Variants in DAW1 observed in about 807,000 individuals in gnomAD.
DAW1 encodes the protein dynein assembly factor with WD repeat domains 1.
DAW1 carries 47 observed loss-of-function variants against 56.5 expected under a neutral mutation model. The observed-to-expected ratio is 0.83, with a 90% CI of 0.66 to 1.06. The LOEUF (loss-of-function observed/expected upper bound fraction) is 1.06, where lower values mean the gene tolerates loss of function less well. Among genes scored for constraint, DAW1 ranks in the 50% least tolerant of loss-of-function variants. The probability of loss-of-function intolerance (pLI) is 0.00; values close to 1 mark genes in which losing one functional copy is unlikely to be tolerated. For missense variants in DAW1, 505 were observed against 499.3 expected (o/e 1.01, Z -0.11); for synonymous variants, 190 against 179.0 (o/e 1.06, Z -0.49).
At chr2:227,923,885 G>A (rs1464643048) in intron 12 of DAW1, 49 bp from the exon 13 acceptor site, 2 of 1,603,142 alleles carry the variant, frequency 1.2e-6, no homozygotes, top group Non-Finnish European at 1.7e-6. Context: ...GAGAGAATGA[G>A]GTGAATGAAA....
In DAW1 at chr2:227,889,918, G is replaced by C. The variant is rs549809115; in HGVS notation, c.176G>C (p.Arg59Pro). The C allele has an allele frequency of 6.2e-7, 1 of 1,610,714 alleles. No homozygotes were observed. Among genetic ancestry groups the C allele is most frequent in the African/African-American group, 1.3e-5 (1 of 74,794 alleles). The change falls in exon 3 of 13, where the codon CGA becomes CCA. Residue 59 changes from arginine (R) to proline (P), a missense_variant. Transcript: ENST00000309931. ...GCAGAACCTCTACTCACAGCTTCAC[G>C]AACAGAGCAAGTCAAACTTTTGATA... ...QKAEPLLTAS[R>P]TEQVKLLIQR...
chr2:227,911,312 GCATATATA>G (rs1408211881), intron 10 of DAW1, among the ~76,000 whole-genome samples: 1 of 32,660 alleles, frequency 3.1e-5, no homozygotes, highest in Non-Finnish European at 8.1e-5. Flanking sequence ...GTATGTATAA[GCATATATA>G]CATATATACA....
At chr2:227,918,691 G>A (rs1692032082) in intron 10 of DAW1, 89 bp from the exon 11 acceptor site, 4 of 1,388,146 alleles carry the variant, frequency 2.9e-6, no homozygotes, top group East Asian at 2.4e-5. Context: ...CGTGTGTCAG[G>A]GGGATATATA....
intron 10 of DAW1, among the ~76,000 whole-genome samples, chr2:227,909,270 A>ATCTGTCTGTCTGTCTG (rs367916730): frequency 1.5e-4 from 21 of 144,460 alleles, no homozygotes; most frequent in African/African-American, 5.1e-4. Flanking sequence ...CTATCTATCT[A>ATCTGTCTGTCTGTCTG]TCTGTCTGTC....
intron 3 of DAW1, 116 bp downstream of exon 3, chr2:227,890,116 G>A: frequency 9.5e-7 from 1 of 1,052,946 alleles, no homozygotes; most frequent in Admixed American, 3.6e-5. Context: ...GTGATTGATT[G>A]TAGTGCCTCA....
chr2:227,893,133 A>G (rs556722266), intron 4 of DAW1, among the ~76,000 whole-genome samples: 36 of 151,792 alleles, frequency 2.4e-4, no homozygotes, highest in Admixed American at 2.1e-3. Context: ...TTAGACAGGC[A>G]TGGTGGCGCA....
chr2:227,912,484 G>C (rs1691852885), intron 10 of DAW1: 1 of 1,302,016 alleles, frequency 7.7e-7, no homozygotes, highest in Non-Finnish European at 1.0e-6. Context: ...GCTACATGCT[G>C]TGTTCCTTAT....
intron 6 of DAW1, among the ~76,000 whole-genome samples, chr2:227,900,957 A>G (rs1430497923): frequency 6.6e-6 from 1 of 152,192 alleles, no homozygotes; most frequent in Non-Finnish European, 1.5e-5. Context: ...GAGGTTATAT[A>G]CTATGCTAAG....
intron 10 of DAW1, chr2:227,912,184 C>CAA: frequency 2.7e-6 from 1 of 370,112 alleles, no homozygotes; most frequent in Non-Finnish European, 5.3e-6. Context: ...GCCTCATCTC[C>CAA]ATGGTCAACA....
Position 227,903,020 on chromosome 2 carries a change from C to A in DAW1, c.559C>A (p.Pro187Thr). 6.2e-7 allele frequency: 1 copy of A among 1,614,060 alleles called. No individual in the cohort carries two copies. Among genetic ancestry groups the A allele is most frequent in the Non-Finnish European group, 8.5e-7 (1 of 1,179,996 alleles). Residue 187 changes from proline to threonine, a missense_variant, in exon 7 of 13, where the codon CCT becomes ACT. Coordinates refer to ENST00000309931, the MANE Select transcript of DAW1 (RefSeq NM_178821.3). ...AATTTAGGTGTGTTTATCATTTAAC[C>A]CTCAAAGCACATTGGTGGCGACTGG... ...TAEIVCLSFN[P>T]QSTLVATGSM...
chr2:227,920,740 G>A (rs554166737), intron 11 of DAW1, among the ~76,000 whole-genome samples: 4 of 152,114 alleles, frequency 2.6e-5, no homozygotes, highest in African/African-American at 9.6e-5. Flanking sequence ...GCAGTGGCAT[G>A]ATCTCAGCTC....
intron 10 of DAW1, among the ~76,000 whole-genome samples, chr2:227,915,812 T>C (rs551804559): frequency 3.9e-5 from 6 of 152,272 alleles, no homozygotes; most frequent in African/African-American, 1.4e-4. Context: ...TATATAATGC[T>C]ACACTGTATC....
intron 10 of DAW1, among the ~76,000 whole-genome samples, chr2:227,917,550 G>A (rs1455673962): frequency 6.8e-6 from 1 of 147,716 alleles, no homozygotes; most frequent in Non-Finnish European, 1.5e-5. Flanking sequence ...ATGAGCCACT[G>A]CGCCCAGCCG....
At chr2:227,908,005 C>G (rs1454451733) in intron 10 of DAW1, among the ~76,000 whole-genome samples, 1 of 152,120 alleles carries the variant, frequency 6.6e-6, no homozygotes, top group Non-Finnish European at 1.5e-5. Flanking sequence ...TATACATTGT[C>G]TCTTTGATTA....
intron 12 of DAW1, among the ~76,000 whole-genome samples, chr2:227,923,153 C>T (rs1018347979): frequency 2.0e-5 from 3 of 152,200 alleles, no homozygotes; most frequent in African/African-American, 7.2e-5. Context: ...AACATTGGCT[C>T]ACTAGACAAC....
intron 2 of DAW1, among the ~76,000 whole-genome samples, chr2:227,886,117 A>G (rs898338609): frequency 6.6e-6 from 1 of 151,532 alleles, no homozygotes; most frequent in African/African-American, 2.4e-5. Context: ...CATTTTTGAG[A>G]AGTACTTGTT....
chr2:227,910,322 A>C (rs558188782), intron 10 of DAW1, among the ~76,000 whole-genome samples: 1 of 152,124 alleles, frequency 6.6e-6, no homozygotes, highest in Non-Finnish European at 1.5e-5. Flanking sequence ...TTAAAACAAA[A>C]ATTAGTCAGG....
intron 1 of DAW1, among the ~76,000 whole-genome samples, chr2:227,881,212 A>G (rs1209919396): frequency 6.6e-6 from 1 of 152,222 alleles, no homozygotes; most frequent in East Asian, 1.9e-4. Context: ...CAGTCTTCCC[A>G]TCATCTACCA....
intron 8 of DAW1, among the ~76,000 whole-genome samples, chr2:227,905,374 A>C (rs540563330): frequency 5.3e-5 from 8 of 152,218 alleles, no homozygotes; most frequent in African/African-American, 7.2e-5. Context: ...AAAAACTCTT[A>C]GTTAATTTCC....
Sources: allele counts gnomAD v4.1 joint callset (sites outside exome capture counted in the v4.1 genomes callset), GRCh38; gene constraint gnomAD v4.1.1; transcripts MANE v1.5; gene names NCBI Gene and HGNC (gene_info 2026-07-23, HGNC 2026-07-21).